The following EPHA6 variants were observed in gnomAD, a reference collection of about 807,000 sequenced individuals.
The protein encoded by EPHA6 is EPH receptor A6, also known as ephrin type-A receptor 6.
Under a neutral mutation model 112.0 loss-of-function variants are expected in EPHA6, and 50 were observed. The observed-to-expected ratio is 0.45, with a 90% CI of 0.36 to 0.56. The LOEUF (loss-of-function observed/expected upper bound fraction) is 0.56, where lower values mean the gene tolerates loss of function less well. Among genes scored for constraint, EPHA6 ranks in the 20% least tolerant of loss-of-function variants. EPHA6 has a pLI of 0.00. For synonymous variants in EPHA6, 529 were observed against 490.7 expected, an observed-to-expected ratio of 1.08 and a Z score of -1.03; for missense variants, 1,280 against 1,417.4, an observed-to-expected ratio of 0.90 and a Z score of 1.56.
At chr3:96,878,429 C>T (rs903340945) in intron 2 of EPHA6, among the ~76,000 whole-genome samples, 1 of 151,912 alleles carries the variant, frequency 6.6e-6, no homozygotes, top group African/African-American at 2.4e-5. Context: ...GATGCTAAGG[C>T]ATGCCATTAT....
intron 3 of EPHA6, among the ~76,000 whole-genome samples, chr3:97,187,674 AGAGAAAGAAAGAAG>A (rs1482413072): frequency 5.9e-5 from 6 of 101,708 alleles, no homozygotes; most frequent in Admixed American, 1.9e-4. Context: ...AAAGAAAGAA[AGAGAAAGAAAGAAG>A]GAAAGAAAGA....
At chr3:97,152,487 A>G (rs1576580557) in intron 3 of EPHA6, among the ~76,000 whole-genome samples, 1 of 151,126 alleles carries the variant, frequency 6.6e-6, no homozygotes. Flanking sequence ...AAAAGAAAGG[A>G]AAATATTACA....
chr3:97,742,661 A>G (rs2035557522), intron 16 of EPHA6, among the ~76,000 whole-genome samples: 1 of 152,126 alleles, frequency 6.6e-6, no homozygotes, highest in Non-Finnish European at 1.5e-5. Context: ...CACAAGCACA[A>G]AATATCTGTA....
intron 10 of EPHA6, among the ~76,000 whole-genome samples, chr3:97,523,583 T>C (rs1355574624): frequency 6.6e-6 from 1 of 152,046 alleles, no homozygotes; most frequent in Non-Finnish European, 1.5e-5. Flanking sequence ...TCTACTGATT[T>C]CTTGTCTGAA....
intron 1 of EPHA6, among the ~76,000 whole-genome samples, chr3:96,854,525 T>C (rs2035582389): frequency 1.3e-5 from 2 of 152,214 alleles, no homozygotes; most frequent in Non-Finnish European, 2.9e-5. Flanking sequence ...TCACATGAGA[T>C]TGTAATCACC....
intron 14 of EPHA6, among the ~76,000 whole-genome samples, chr3:97,650,162 T>G (rs891342284): frequency 2.0e-5 from 3 of 152,054 alleles, no homozygotes; most frequent in Non-Finnish European, 4.4e-5. Context: ...ATGTGCTAAA[T>G]GCATGGTAAA....
chr3:97,233,961 G>A (rs900819757), intron 4 of EPHA6, among the ~76,000 whole-genome samples: 3 of 152,108 alleles, frequency 2.0e-5, no homozygotes, highest in Non-Finnish European at 4.4e-5. Context: ...AAGAAGCCCG[G>A]TTCCTTAGTG....
chr3:97,656,097 A>G (rs1389383962), intron 14 of EPHA6, among the ~76,000 whole-genome samples: 2 of 151,956 alleles, frequency 1.3e-5, no homozygotes, highest in Non-Finnish European at 2.9e-5. Flanking sequence ...AAAGAGAACA[A>G]TATATGTTAT....
rs989663455 is a variant in EPHA6 at position 97,185,100 on chromosome 3, G to A, written c.1115-41164G>A. ...TAAAGACTTCAATGTTAGACCTAAA[G>A]CCATAAAAACCCTAGAAGAAAACCT... On this transcript the variant is annotated intron_variant, in intron 3 of 17. Coordinates refer to ENST00000389672, the MANE Select transcript of EPHA6 (RefSeq NM_001080448.3). Among the ~76,000 whole-genome samples, 85 of 150,260 alleles carry A rather than the reference G, an allele frequency of 5.7e-4. 1 individual carries two copies. Among genetic ancestry groups the A allele is most frequent in the Non-Finnish European group, 2.1e-4 (14 of 67,942 alleles).
At chr3:96,866,487 T>C (rs535966907) in intron 1 of EPHA6, among the ~76,000 whole-genome samples, 60 of 152,086 alleles carry the variant, frequency 3.9e-4, no homozygotes, top group African/African-American at 1.4e-3. Flanking sequence ...AAAAATACTG[T>C]AAATGAAAGT....
At chr3:97,404,818 C>G (rs369135284) in intron 5 of EPHA6, among the ~76,000 whole-genome samples, 26 of 151,982 alleles carry the variant, frequency 1.7e-4, no homozygotes, top group African/African-American at 6.0e-4. Flanking sequence ...AACATACGAG[C>G]CAAGTGTATT....
chr3:96,843,504 G>A (rs1482141097), intron 1 of EPHA6, among the ~76,000 whole-genome samples: 1 of 152,004 alleles, frequency 6.6e-6, no homozygotes, highest in Non-Finnish European at 1.5e-5. Context: ...TAGTTAGGAA[G>A]AGCATGTTTG....
At chr3:97,066,862 A>G (rs539541465) in intron 3 of EPHA6, among the ~76,000 whole-genome samples, 61 of 152,306 alleles carry the variant, frequency 4.0e-4, no homozygotes, top group African/African-American at 1.5e-3. Flanking sequence ...AATAGCAGAC[A>G]GGACATATCC....
At chr3:97,350,865 G>T (rs2083778418) in intron 5 of EPHA6, among the ~76,000 whole-genome samples, 2 of 152,044 alleles carry the variant, frequency 1.3e-5, no homozygotes, top group South Asian at 4.1e-4. Context: ...TGCTAACAGG[G>T]TCTAATTAGG....
chr3:97,036,069 C>T (rs1228714630), intron 3 of EPHA6, among the ~76,000 whole-genome samples: 1 of 151,944 alleles, frequency 6.6e-6, no homozygotes, highest in Non-Finnish European at 1.5e-5. Context: ...GAAGCAGGCC[C>T]TCACCAAATA....
At chr3:96,995,504 A>C (rs2107880498) in intron 3 of EPHA6, among the ~76,000 whole-genome samples, 1 of 152,266 alleles carries the variant, frequency 6.6e-6, no homozygotes, top group East Asian at 1.9e-4. Context: ...AAGAATCCTG[A>C]GAAGTCTAAA....
chr3:97,311,143 C>T (rs1257265524), intron 5 of EPHA6, among the ~76,000 whole-genome samples: 3 of 151,620 alleles, frequency 2.0e-5, no homozygotes, highest in African/African-American at 4.8e-5. Context: ...TCCTCTATTT[C>T]TCTTCTCCAT....
At chr3:96,832,115 G>A (rs923865162) in intron 1 of EPHA6, among the ~76,000 whole-genome samples, 9 of 152,070 alleles carry the variant, frequency 5.9e-5, no homozygotes, top group African/African-American at 2.2e-4. Flanking sequence ...ACTAAAACAA[G>A]TGGAATGGGT....
At chr3:97,640,615 A>G (rs1027957886) in intron 14 of EPHA6, among the ~76,000 whole-genome samples, 5 of 150,912 alleles carry the variant, frequency 3.3e-5, no homozygotes, top group African/African-American at 4.9e-5. Flanking sequence ...TACTAAAAAT[A>G]CAAAAAAAAA....
Sources: allele counts gnomAD v4.1 joint callset (sites outside exome capture counted in the v4.1 genomes callset), GRCh38; gene constraint gnomAD v4.1.1; transcripts MANE v1.5; gene names NCBI Gene and HGNC (gene_info 2026-07-23, HGNC 2026-07-21).